Variants in DVL1 observed in about 807,000 individuals in gnomAD.
The protein encoded by DVL1 is dishevelled segment polarity protein 1.
Under a neutral mutation model 65.0 loss-of-function variants are expected in DVL1, and 49 were observed. The observed-to-expected ratio is 0.75, with a 90% CI of 0.60 to 0.96. The LOEUF (loss-of-function observed/expected upper bound fraction) is 0.96, where lower values mean the gene tolerates loss of function less well. DVL1 is among the 40% of genes least tolerant of loss of function. DVL1 has a pLI of 0.00. For synonymous variants in DVL1, 608 were observed against 433.9 expected (o/e 1.40, Z -4.99); for missense variants, 1,197 against 1,045.4 (o/e 1.15, Z -2.00).
Position 1,339,771 on chromosome 1 carries a change from G to A in DVL1, c.951C>T (p.Ala317=), listed in dbSNP as rs779553612. 3.7e-5 allele frequency: 60 copies of A among 1,612,604 alleles called. No homozygotes were observed. The highest frequency in any genetic ancestry group is 1.6e-4 in the Middle Eastern group (1 of 6,082). ...VNFENMSNDD[A]VRVLREIVSQ... ...AAACGATCTCCCGCAGCACCCGCACGGCATCGTCATTGCTCATGTTCTCAA... is the reference window on the plus strand; with the variant it reads ...AAACGATCTCCCGCAGCACCCGCACAGCATCGTCATTGCTCATGTTCTCAA... The change falls in exon 9 of 15, where the codon GCC becomes GCT. Residue 317 remains alanine (A), a synonymous_variant. Transcript: ENST00000378888.
In DVL1 at chr1:1,341,739, G is replaced by A. The variant is rs139645212; in HGVS notation, c.533C>T (p.Ala178Val). The part of the protein sequence containing the change: ...RRDVGLPPDS[A>V]STALSSELES... ...AAGCTCGCTGCTGAGGGCGGTGGACGCGCTGTCTGGGGGCAGCCCCACATC... is the reference window on the plus strand; with the variant it reads ...AAGCTCGCTGCTGAGGGCGGTGGACACGCTGTCTGGGGGCAGCCCCACATC... The change falls in exon 5 of 15, where the codon GCG becomes GTG. Residue 178 changes from alanine to valine, a missense_variant. Transcript: ENST00000378888. The A allele has an allele frequency of 1.6e-4, 262 of 1,610,104 alleles. No homozygotes were observed. The highest frequency in any genetic ancestry group is 1.2e-3 in the African/African-American group (91 of 75,034).
rs747297839 is a variant in DVL1 at position 1,338,173 on chromosome 1, G to A, written c.1518C>T (p.Thr506=). The part of the protein sequence containing the change: ...VFGDLCSNLA[T]LNLNSGSSGT... Reference sequence around the variant, plus strand: ...CACTGGAGCCACTGTTGAGGTTCAGGGTGGCGAGATCTGGCGGGGGAGGGT... The same window carrying A: ...CACTGGAGCCACTGTTGAGGTTCAGAGTGGCGAGATCTGGCGGGGGAGGGT... Residue 506 remains threonine (T), a synonymous_variant, in exon 14 of 15, where the codon ACC becomes ACT. Transcript: ENST00000378888. 1.9e-6 allele frequency: 3 copies of A among 1,606,024 alleles called. No individual in the cohort carries two copies. The South Asian group carries it at 3.3e-5, about 18-fold the overall frequency.
At chr1:1,338,233 C>CCCCCCCCCCCCCCG in intron 13 of DVL1, 36 bp downstream of exon 13, 1 of 1,518,914 alleles carries the variant, frequency 6.6e-7, no homozygotes, top group Non-Finnish European at 9.1e-7. Flanking sequence ...CGGCGTTCCC[C>CCCCCCCCCCCCCCG]TCCCCCCCGC....
chr1:1,337,280 G>A (rs1643610451), intron 14 of DVL1, among the ~76,000 whole-genome samples: 1 of 152,120 alleles, frequency 6.6e-6, no homozygotes, highest in African/African-American at 2.4e-5. Flanking sequence ...CCTCCACGAA[G>A]CCACCTGCAC....
At position 1,336,011 on chromosome 1, in the gene DVL1, T is replaced by G; in HGVS notation, c.*131A>C. On this transcript the variant is annotated 3_prime_UTR_variant, in exon 15 of 15. Coordinates refer to ENST00000378888, the MANE Select transcript of DVL1 (RefSeq NM_001330311.2). Reference sequence around the variant, plus strand: ...GGAGCAGCCAGGCTGCCAGGGCAGATGGTGGTGGTCCAGCCTGCCCCCCAC... The same window carrying G: ...GGAGCAGCCAGGCTGCCAGGGCAGAGGGTGGTGGTCCAGCCTGCCCCCCAC... The G allele has an allele frequency of 8.0e-7, 1 of 1,246,168 alleles. No individual in the cohort carries two copies. Among genetic ancestry groups the G allele is most frequent in the Non-Finnish European group, 1.1e-6 (1 of 911,570 alleles). The allele number at this position is 1,246,168 out of a possible 1,614,324, so 77.2% of individuals were successfully genotyped here.
chr1:1,348,636 G>C (rs1218102367), intron 1 of DVL1, among the ~76,000 whole-genome samples: 1 of 152,132 alleles, frequency 6.6e-6, no homozygotes, highest in East Asian at 1.9e-4. Context: ...AGTCTGACAC[G>C]GGCCAAGGCA....
intron 1 of DVL1, among the ~76,000 whole-genome samples, chr1:1,345,595 T>G (rs1643903954): frequency 6.6e-6 from 1 of 152,110 alleles, no homozygotes; most frequent in African/African-American, 2.4e-5. Context: ...CTGTGAGGCC[T>G]GGCTAACCTG....
chr1:1,338,061 C>T lies in DVL1; in HGVS notation c.1630G>A (p.Gly544Arg). The change falls in exon 14 of 15, where the codon GGA becomes AGA. Residue 544 changes from glycine to arginine, a missense_variant. Physicochemically the swap from Gly to Arg is moderately radical, Grantham distance 125 (BLOSUM62 -2). Coordinates refer to ENST00000378888, the MANE Select transcript of DVL1 (RefSeq NM_001330311.2). The part of the protein sequence containing the change: ...LGQGYPYQYP[G>R]PPPCFPPAYQ... ...GCAGGCGGGAAGCAGGGTGGGGGTC[C>T]CGGGTACTGGTAGGGGTAGCCCTGA... The T allele has an allele frequency of 6.2e-7, 1 of 1,611,192 alleles. No individual in the cohort carries two copies. The highest frequency in any genetic ancestry group is 8.5e-7 in the Non-Finnish European group (1 of 1,179,294).
chr1:1,340,505 T>G lies in DVL1; in HGVS notation c.606-2A>C. The G allele has an allele frequency of 6.3e-7, 1 of 1,599,948 alleles. No homozygotes were observed. Among genetic ancestry groups the G allele is most frequent in the South Asian group, 1.1e-5 (1 of 88,946 alleles). ...CTCTGCTCCGTGGAGCTGCTGAGCCTGGGAACAGACTGTCAGAGCTCAGAG... is the reference window on the plus strand; with the variant it reads ...CTCTGCTCCGTGGAGCTGCTGAGCCGGGGAACAGACTGTCAGAGCTCAGAG... On this transcript the variant is annotated splice_acceptor_variant, in intron 5 of 14. Transcript: ENST00000378888. LOFTEE classifies it high-confidence loss of function.
intron 1 of DVL1, among the ~76,000 whole-genome samples, chr1:1,347,054 A>G (rs1349437805): frequency 2.6e-5 from 4 of 152,108 alleles, no homozygotes; most frequent in African/African-American, 9.7e-5. Flanking sequence ...TAGGCTCCTG[A>G]GGCCACCAGC....
chr1:1,338,499 C>T lies in DVL1; in HGVS notation c.1339+23G>A, dbSNP rs111891916. ...AAGCAGCCCTGCCCCTGGCACTATCCGCCCGCGGGGACGGCCACTCACCGA... is the reference window on the plus strand; with the variant it reads ...AAGCAGCCCTGCCCCTGGCACTATCTGCCCGCGGGGACGGCCACTCACCGA... On this transcript the variant is annotated intron_variant, in intron 12 of 14. Transcript: ENST00000378888. The T allele has an allele frequency of 5.2e-5, 84 of 1,611,404 alleles. 1 individual carries two copies. The African/African-American group carries it at 8.5e-4, about 16-fold the overall frequency.
chr1:1,339,381 T>C lies in DVL1; in HGVS notation c.1113A>G (p.Thr371=), dbSNP rs1314057380. Residue 371 remains threonine (T), a synonymous_variant, in exon 11 of 15, where the codon ACA becomes ACG. Coordinates refer to ENST00000378888, the MANE Select transcript of DVL1 (RefSeq NM_001330311.2). ...TCGTACCGTAGCGGGGCAGGGCTCCTGTCAGTGCCGCCGTGTGGGACAGCC... is the reference window on the plus strand; with the variant it reads ...TCGTACCGTAGCGGGGCAGGGCTCCCGTCAGTGCCGCCGTGTGGGACAGCC... ...AAWLSHTAAL[T]GALPRYGTSP... 2 of 1,548,816 alleles carry C rather than the reference T, an allele frequency of 1.3e-6. No individual in the cohort carries two copies. Among genetic ancestry groups the C allele is most frequent in the African/African-American group, 1.4e-5 (1 of 72,962 alleles).
At chr1:1,340,563 C>G in intron 5 of DVL1, 60 bp from the exon 6 acceptor site, 2 of 1,528,328 alleles carry the variant, frequency 1.3e-6, no homozygotes, top group South Asian at 1.2e-5. Context: ...GGTGGGAACC[C>G]GCTCCCCCAA....
Position 1,336,209 on chromosome 1 carries a change from G to A in DVL1, c.2021C>T (p.Thr674Ile), listed in dbSNP as rs753792159. 23 of 1,561,588 alleles carry A rather than the reference G, an allele frequency of 1.5e-5. No individual in the cohort carries two copies. The highest frequency in any genetic ancestry group is 2.7e-5 in the African/African-American group (2 of 74,224). Residue 674 changes from threonine (T) to isoleucine (I), a missense_variant, in exon 15 of 15, where the codon ACA (threonine) becomes ATA (isoleucine). Coordinates refer to ENST00000378888, the MANE Select transcript of DVL1 (RefSeq NM_001330311.2). ...CTTCTGGAAGGACTGGCGGCTGCCT[G>A]TCAATTCCGGGGGGACGGCAGCCAG... ...RELAAVPPEL[T>I]GSRQSFQKAM...
At position 1,336,196 on chromosome 1, in the gene DVL1, C is replaced by A. The variant is rs764309779; in HGVS notation, c.2034G>T (p.Gln678His). Residue 678 changes from glutamine to histidine, a missense_variant, in exon 15 of 15, where the codon CAG becomes CAT. Transcript: ENST00000378888. The part of the protein sequence containing the change: ...AVPPELTGSR[Q>H]SFQKAMGNPC... ...GGTTCCCCATAGCCTTCTGGAAGGACTGGCGGCTGCCTGTCAATTCCGGGG... is the reference window on the plus strand; with the variant it reads ...GGTTCCCCATAGCCTTCTGGAAGGAATGGCGGCTGCCTGTCAATTCCGGGG... 4 of 1,566,066 alleles carry A rather than the reference C, an allele frequency of 2.6e-6. No individual in the cohort carries two copies. Among genetic ancestry groups the A allele is most frequent in the Admixed American group, 3.6e-5 (2 of 55,014 alleles).
At position 1,335,711 on chromosome 1, in the gene DVL1, C is replaced by T. The variant is rs991209782; in HGVS notation, c.*431G>A. The T allele has an allele frequency of 5.7e-6, 1 of 175,678 alleles. No homozygotes were observed. Among genetic ancestry groups the T allele is most frequent in the Non-Finnish European group, 1.2e-5 (1 of 82,294 alleles). The allele number at this position is 175,678 out of a possible 1,614,324, so 10.9% of individuals were successfully genotyped here. ...ACAGATGACAGGGTCGCCTCCTCCC[C>T]CGAGTCACCGGCCAGGCAATAAATA... On this transcript the variant is annotated 3_prime_UTR_variant, in exon 15 of 15. Transcript: ENST00000378888.
intron 11 of DVL1, 101 bp from the exon 12 acceptor site, chr1:1,338,754 G>C (rs1643679354): frequency 1.3e-6 from 2 of 1,484,842 alleles, no homozygotes; most frequent in Non-Finnish European, 1.8e-6. Flanking sequence ...CCTGCGCCAG[G>C]GCGCAAGCTG....
intron 11 of DVL1, among the ~76,000 whole-genome samples, chr1:1,339,041 G>A (rs992828667): frequency 1.3e-5 from 2 of 152,184 alleles, no homozygotes; most frequent in East Asian, 1.9e-4. Flanking sequence ...TGCCTCTGAC[G>A]CCGTGGGTGC....
Position 1,338,725 on chromosome 1 carries a change from G to A in DVL1, c.1208-72C>T, listed in dbSNP as rs191264875. The A allele has an allele frequency of 7.6e-4, 1,179 of 1,550,560 alleles. 8 individuals are homozygous for A. Among genetic ancestry groups the A allele is most frequent in the Non-Finnish European group, 8.3e-5 (96 of 1,153,670 alleles). On this transcript the variant is annotated intron_variant, in intron 11 of 14. Coordinates refer to ENST00000378888, the MANE Select transcript of DVL1 (RefSeq NM_001330311.2). ...GGGGACTCAGGGCCCTGCACCCCCA[G>A]GGGAGCCTCTGGGCAGAGCCTGCGC...
Sources: allele counts gnomAD v4.1 joint callset (sites outside exome capture counted in the v4.1 genomes callset), GRCh38; gene constraint gnomAD v4.1.1; transcripts MANE v1.5; gene names NCBI Gene and HGNC (gene_info 2026-07-23, HGNC 2026-07-21).